EML5: variants seen among roughly 807,000 people sequenced by gnomAD.
The protein encoded by EML5 is echinoderm microtubule-associated protein-like 5.
Under a neutral mutation model 250.0 loss-of-function variants are expected in EML5, and 120 were observed. That is an observed-to-expected ratio of 0.48 (90% CI 0.41 to 0.56). The LOEUF is 0.56. Ranked by LOEUF, EML5 falls within the 20% of genes least tolerant of loss-of-function variation. The probability of loss-of-function intolerance (pLI) is 0.00; values close to 1 mark genes in which losing one functional copy is unlikely to be tolerated. For synonymous variants in EML5, 771 were observed against 806.5 expected, an observed-to-expected ratio of 0.96 and a Z score of 0.75; for missense variants, 2,006 against 2,437.6, an observed-to-expected ratio of 0.82 and a Z score of 3.73.
At chr14:88,711,965 C>T (rs1322236696) in intron 10 of EML5, among the ~76,000 whole-genome samples, 1 of 151,504 alleles carries the variant, frequency 6.6e-6, no homozygotes, top group Non-Finnish European at 1.5e-5. Context: ...AAAATACAAC[C>T]ATCATTGTAC....
At chr14:88,653,105 T>C (rs1258625292) in intron 27 of EML5, among the ~76,000 whole-genome samples, 1 of 152,152 alleles carries the variant, frequency 6.6e-6, no homozygotes, top group Non-Finnish European at 1.5e-5. Flanking sequence ...TTGTCTATTA[T>C]TGGTGTAGAG....
chr14:88,738,755 T>G, intron 6 of EML5, 124 bp downstream of exon 6: 1 of 1,172,292 alleles, frequency 8.5e-7, no homozygotes, highest in Non-Finnish European at 1.2e-6. Flanking sequence ...GCATACAGGG[T>G]GAAGAGGCAA....
chr14:88,687,106 CCAA>C (rs1418301549), intron 19 of EML5, 107 bp downstream of exon 19: 112 of 798,730 alleles, frequency 1.4e-4, no homozygotes, highest in African/African-American at 1.5e-4. Context: ...ATTCTGATGC[CCAA>C]CAAGACGGAA....
At chr14:88,766,179 T>C (rs1166180031) in intron 1 of EML5, among the ~76,000 whole-genome samples, 1 of 152,120 alleles carries the variant, frequency 6.6e-6, no homozygotes, top group South Asian at 2.1e-4. Flanking sequence ...ACTGCACAAA[T>C]TGTTTAAACA....
At chr14:88,720,404 C>T (rs939205118) in intron 8 of EML5, among the ~76,000 whole-genome samples, 32 of 152,036 alleles carry the variant, frequency 2.1e-4, no homozygotes, top group Admixed American at 7.9e-4. Flanking sequence ...AAACTGAATC[C>T]AGCAGCCCAT....
In EML5 at chr14:88,663,082, T is replaced by C. The variant is rs1333545155; in HGVS notation, c.3447A>G (p.Gln1149=). The change falls in exon 24 of 44, where the codon CAA becomes CAG. Residue 1149 remains glutamine (Q), a synonymous_variant. Coordinates refer to ENST00000554922, the MANE Select transcript of EML5 (RefSeq NM_183387.3). ...TCCCTCTGGGAGCTTCAAAGAATAATTGTTCCTTAGCACCAGTGTTGACCT... is the reference window on the plus strand; with the variant it reads ...TCCCTCTGGGAGCTTCAAAGAATAACTGTTCCTTAGCACCAGTGTTGACCT... The part of the protein sequence containing the change: ...LLQVNTGAKE[Q]LFFEAPRGKK... 2 of 1,554,044 alleles carry C rather than the reference T, an allele frequency of 1.3e-6. No individual in the cohort carries two copies. The highest frequency in any genetic ancestry group is 1.2e-5 in the South Asian group (1 of 84,074).
intron 1 of EML5, among the ~76,000 whole-genome samples, chr14:88,770,806 T>A (rs929379689): frequency 1.3e-5 from 2 of 152,224 alleles, no homozygotes; most frequent in African/African-American, 4.8e-5. Flanking sequence ...GATGTAATCA[T>A]CTGAGGGTAT....
intron 36 of EML5, 23 bp from the exon 37 acceptor site, chr14:88,622,741 G>T: frequency 6.5e-7 from 1 of 1,534,114 alleles, no homozygotes; most frequent in Non-Finnish European, 8.9e-7. Flanking sequence ...CCAAGCCAGA[G>T]TAAGTGTTCA....
intron 7 of EML5, among the ~76,000 whole-genome samples, chr14:88,735,617 G>T (rs2093826955): frequency 1.3e-5 from 2 of 152,052 alleles, no homozygotes; most frequent in Admixed American, 1.3e-4. Flanking sequence ...CTCTATGTAA[G>T]GCCTTATCTA....
At chr14:88,771,512 A>G (rs1224937831) in intron 1 of EML5, among the ~76,000 whole-genome samples, 1 of 152,090 alleles carries the variant, frequency 6.6e-6, no homozygotes, top group Non-Finnish European at 1.5e-5. Context: ...ATTCAAATAT[A>G]CCCATTAAAA....
intron 21 of EML5, among the ~76,000 whole-genome samples, chr14:88,680,991 A>G (rs755068983): frequency 6.6e-6 from 1 of 152,244 alleles, no homozygotes; most frequent in South Asian, 2.1e-4. Context: ...ATCCTTGGAG[A>G]CAATTAGATT....
intron 1 of EML5, among the ~76,000 whole-genome samples, chr14:88,785,737 C>T (rs1367927829): frequency 6.7e-6 from 1 of 150,066 alleles, no homozygotes; most frequent in African/African-American, 2.5e-5. Context: ...TCACTGTTAC[C>T]ACCCCAGTCC....
rs368608013 is a variant in EML5, at chr14:88,735,714, T to A, written c.1049+650A>T. ...CATGTACAAAATGACAAATGTATAA[T>A]GATATTCACTGCAAGCCCTGTATTT... On this transcript the variant is annotated intron_variant, in intron 7 of 43. Coordinates refer to ENST00000554922, the MANE Select transcript of EML5 (RefSeq NM_183387.3). Among the ~76,000 whole-genome samples the A allele has an allele frequency of 2.0e-5, 3 of 152,294 alleles. 1 individual carries two copies. The highest frequency in any genetic ancestry group is 7.2e-5 in the African/African-American group (3 of 41,568).
chr14:88,708,028 C>A (rs986544723), intron 10 of EML5, among the ~76,000 whole-genome samples: 1 of 152,014 alleles, frequency 6.6e-6, no homozygotes, highest in East Asian at 1.9e-4. Context: ...CTGCCTATAC[C>A]GAGTGATAGA....
chr14:88,622,752 T>C, intron 36 of EML5, 34 bp from the exon 37 acceptor site: 1 of 1,460,044 alleles, frequency 6.8e-7, no homozygotes, highest in Non-Finnish European at 9.3e-7. Flanking sequence ...TAAGTGTTCA[T>C]TATTGGCTAC....
Position 88,661,767 on chromosome 14 carries a change from G to T in EML5, c.3562C>A (p.Pro1188Thr), listed in dbSNP as rs201021105. ...ACATCTGTAACTTCTCCAATTACTG[G>T]CCAAATTCCTTCACAGCATAAACCA... Reference protein sequence around the residue: ...VLGLCCEGIWPVIGEVTDVTA... With the variant: ...VLGLCCEGIWTVIGEVTDVTA... Residue 1188 changes from proline to threonine, a missense_variant, in exon 25 of 44, where the codon CCA becomes ACA. Pro to Thr is a conservative substitution (Grantham distance 38, BLOSUM62 -1). Coordinates refer to ENST00000554922, the MANE Select transcript of EML5 (RefSeq NM_183387.3). 1.2e-3 allele frequency: 1,906 copies of T among 1,613,530 alleles called. No homozygotes were observed. The highest frequency in any genetic ancestry group is 2.2e-3 in the Admixed American group (130 of 59,974).
At position 88,699,658 on chromosome 14, in the gene EML5, T is replaced by C. The variant is rs200298326; in HGVS notation, c.2239-2706A>G. Reference sequence around the variant, plus strand: ...GAAATTGTGAAGCATTGATTGTCAGTAGAGATATGGAAAAATTAAAGATGA... The same window carrying C: ...GAAATTGTGAAGCATTGATTGTCAGCAGAGATATGGAAAAATTAAAGATGA... On this transcript the variant is annotated intron_variant, in intron 14 of 43. Transcript: ENST00000554922. Among the ~76,000 whole-genome samples, 10 of 152,182 alleles carry C rather than the reference T, an allele frequency of 6.6e-5. No homozygotes were observed. The East Asian group carries it at 1.9e-3, about 29-fold the overall frequency.
chr14:88,628,889 G>A (rs1280120006), intron 33 of EML5, among the ~76,000 whole-genome samples: 2 of 151,898 alleles, frequency 1.3e-5, no homozygotes, highest in Non-Finnish European at 2.9e-5. Flanking sequence ...TTATGCAACT[G>A]TAAAATATCA....
At chr14:88,679,423 G>C (rs953212945) in intron 21 of EML5, among the ~76,000 whole-genome samples, 3 of 151,872 alleles carry the variant, frequency 2.0e-5, no homozygotes, top group African/African-American at 7.3e-5. Context: ...CAGGCATGGT[G>C]GCTCATGCTT....
Sources: gnomAD v4.1 joint callset for allele counts (sites outside exome capture counted in the v4.1 genomes callset) on GRCh38, gnomAD v4.1.1 for gene constraint, MANE v1.5 for transcripts, NCBI Gene and HGNC (gene_info 2026-07-23, HGNC 2026-07-21) for gene names.